The following FCHSD2 variants were observed in gnomAD, a reference collection of about 807,000 sequenced individuals.
FCHSD2 encodes the protein FCH and double SH3 domains 2.
Under a neutral mutation model 108.1 loss-of-function variants are expected in FCHSD2, and 38 were observed. The ratio of observed to expected loss-of-function variants is 0.35; its 90% CI spans 0.27 to 0.46. The LOEUF is 0.46. Among genes scored for constraint, FCHSD2 ranks in the 20% least tolerant of loss-of-function variants. The pLI is 1.00. For synonymous variants in FCHSD2, 279 were observed against 314.7 expected, an observed-to-expected ratio of 0.89 and a Z score of 1.20; for missense variants, 751 against 897.8, an observed-to-expected ratio of 0.84 and a Z score of 2.09.
At chr11:73,135,674 A>C (rs910814532) in intron 2 of FCHSD2, among the ~76,000 whole-genome samples, 1 of 152,016 alleles carries the variant, frequency 6.6e-6, no homozygotes, top group Non-Finnish European at 1.5e-5. Flanking sequence ...TCAGTATAAA[A>C]CCTCCACAAA....
At chr11:72,969,374 T>C (rs979052488) in intron 8 of FCHSD2, among the ~76,000 whole-genome samples, 1 of 152,242 alleles carries the variant, frequency 6.6e-6, no homozygotes, top group Admixed American at 6.5e-5. Context: ...GAAAAGCTAG[T>C]TGGCATTTAG....
intron 9 of FCHSD2, among the ~76,000 whole-genome samples, chr11:72,921,307 T>C (rs949262638): frequency 1.3e-5 from 2 of 152,220 alleles, no homozygotes; most frequent in African/African-American, 2.4e-5. Context: ...CTGCATACAA[T>C]GTGACATGTC....
chr11:72,909,019 C>T (rs1010864052), intron 9 of FCHSD2, among the ~76,000 whole-genome samples: 2 of 151,894 alleles, frequency 1.3e-5, no homozygotes, highest in Non-Finnish European at 2.9e-5. Flanking sequence ...ATTTTTAAAT[C>T]GAATTATTAA....
chr11:73,055,927 G>T (rs1365781421), intron 3 of FCHSD2, among the ~76,000 whole-genome samples: 1 of 152,014 alleles, frequency 6.6e-6, no homozygotes. Flanking sequence ...AAAATGTTCT[G>T]GAAATAGTGG....
intron 12 of FCHSD2, among the ~76,000 whole-genome samples, chr11:72,883,048 T>C (rs1318024504): frequency 6.6e-6 from 1 of 152,100 alleles, no homozygotes; most frequent in East Asian, 1.9e-4. Context: ...GCAAAGGTAA[T>C]GGGAAAAGCA....
chr11:73,028,928 C>T (rs916591262), intron 3 of FCHSD2, among the ~76,000 whole-genome samples: 2 of 152,140 alleles, frequency 1.3e-5, no homozygotes, highest in African/African-American at 4.8e-5. Flanking sequence ...TCCCAAGCCA[C>T]GTGAAACTGT....
At chr11:72,961,223 G>A (rs976114944) in intron 8 of FCHSD2, among the ~76,000 whole-genome samples, 1 of 151,936 alleles carries the variant, frequency 6.6e-6, no homozygotes, top group African/African-American at 2.4e-5. Context: ...GTATTTCTCT[G>A]TATTTAGTAC....
chr11:73,018,245 C>T (rs1023004264), intron 3 of FCHSD2, among the ~76,000 whole-genome samples: 4 of 152,114 alleles, frequency 2.6e-5, no homozygotes, highest in Non-Finnish European at 4.4e-5. Flanking sequence ...TTTTACAGTT[C>T]CTGGCCCAGA....
intron 8 of FCHSD2, 140 bp from the exon 9 acceptor site, chr11:72,922,090 G>C (rs377254910): frequency 1.5e-5 from 9 of 595,864 alleles, no homozygotes; most frequent in African/African-American, 1.3e-4. Context: ...CAGATTGTAA[G>C]TAAATATGAA....
chr11:73,067,376 C>T (rs962094326), intron 3 of FCHSD2, among the ~76,000 whole-genome samples: 9 of 151,870 alleles, frequency 5.9e-5, no homozygotes, highest in Non-Finnish European at 1.0e-4. Flanking sequence ...AAATACCTAA[C>T]ATAGGTGACG....
chr11:72,999,863 TCAGA>T (rs964026171), intron 5 of FCHSD2, among the ~76,000 whole-genome samples: 5 of 74,286 alleles, frequency 6.7e-5, no homozygotes, highest in Admixed American at 1.4e-4. Context: ...TTCTGCACAA[TCAGA>T]CACACACACA....
chr11:72,862,818 T>C (rs1468243318), intron 13 of FCHSD2, among the ~76,000 whole-genome samples: 1 of 152,224 alleles, frequency 6.6e-6, no homozygotes, highest in East Asian at 1.9e-4. Flanking sequence ...CCTGAAGTCA[T>C]GACTTATTAT....
chr11:72,908,635 AT>A (rs2135286169), intron 9 of FCHSD2, among the ~76,000 whole-genome samples: 1 of 152,290 alleles, frequency 6.6e-6, no homozygotes, highest in African/African-American at 2.4e-5. Flanking sequence ...CTGATGATTA[AT>A]GATGTTGAGT....
chr11:72,966,466 G>A (rs940710411), intron 8 of FCHSD2, among the ~76,000 whole-genome samples: 1 of 151,870 alleles, frequency 6.6e-6, no homozygotes, highest in Non-Finnish European at 1.5e-5. Context: ...GGACTAAACT[G>A]AGCATATTAC....
intron 13 of FCHSD2, among the ~76,000 whole-genome samples, chr11:72,862,812 A>T (rs1485993556): frequency 1.3e-5 from 2 of 152,222 alleles, no homozygotes; most frequent in African/African-American, 4.8e-5. Context: ...ACACTACCTG[A>T]AGTCATGACT....
At chr11:72,934,430 A>C (rs1187145024) in intron 8 of FCHSD2, among the ~76,000 whole-genome samples, 1 of 150,676 alleles carries the variant, frequency 6.6e-6, no homozygotes, top group Non-Finnish European at 1.5e-5. Context: ...TCCTGGGTTC[A>C]AGAGATTCTT....
At chr11:72,867,397 G>C (rs1318037632) in intron 13 of FCHSD2, among the ~76,000 whole-genome samples, 1 of 152,194 alleles carries the variant, frequency 6.6e-6, no homozygotes, top group Non-Finnish European at 1.5e-5. Flanking sequence ...TATGTGAGGA[G>C]AATATGAAAG....
chr11:72,958,586 C>CA (rs1464673772), intron 8 of FCHSD2, among the ~76,000 whole-genome samples: 1 of 152,122 alleles, frequency 6.6e-6, no homozygotes, highest in Non-Finnish European at 1.5e-5. Flanking sequence ...CACCACGGAA[C>CA]AAAATCTAAT....
intron 2 of FCHSD2, among the ~76,000 whole-genome samples, chr11:73,107,517 T>C (rs1860374664): frequency 6.6e-6 from 1 of 152,202 alleles, no homozygotes; most frequent in Admixed American, 6.5e-5. Context: ...ATTGTCACCC[T>C]GTTGTGCTAT....
Sources: gnomAD v4.1 joint callset for allele counts (sites outside exome capture counted in the v4.1 genomes callset) on GRCh38, gnomAD v4.1.1 for gene constraint, MANE v1.5 for transcripts, NCBI Gene and HGNC (gene_info 2026-07-23, HGNC 2026-07-21) for gene names.